Variants in PTPRM observed in about 807,000 individuals in gnomAD.
PTPRM encodes protein tyrosine phosphatase receptor type M.
In PTPRM, 47 loss-of-function variants were observed where a neutral mutation model predicts 186.7. The observed-to-expected ratio is 0.25, with a 90% CI of 0.20 to 0.32. The LOEUF (loss-of-function observed/expected upper bound fraction) is 0.32. Among genes scored for constraint, PTPRM ranks in the 10% least tolerant of loss-of-function variants. The pLI is 1.00. For synonymous variants in PTPRM, 668 were observed against 674.9 expected (o/e 0.99, Z 0.16); for missense variants, 1,494 against 1,865.0 (o/e 0.80, Z 3.66).
intron 31 of PTPRM, among the ~76,000 whole-genome samples, chr18:8,389,053 T>G (rs1301692118): frequency 3.3e-5 from 5 of 152,118 alleles, no homozygotes; most frequent in Non-Finnish European, 5.9e-5. Flanking sequence ...TCAATCCAGA[T>G]CCAACCTCTG....
intron 2 of PTPRM, among the ~76,000 whole-genome samples, chr18:7,869,552 T>A (rs2047883561): frequency 1.3e-5 from 2 of 152,294 alleles, no homozygotes; most frequent in South Asian, 4.1e-4. Flanking sequence ...CCCAATGTGA[T>A]GAGCTGGGTA....
At chr18:8,173,259 G>T (rs956875064) in intron 14 of PTPRM, among the ~76,000 whole-genome samples, 2 of 152,166 alleles carry the variant, frequency 1.3e-5, no homozygotes, top group Non-Finnish European at 2.9e-5. Context: ...TGGCAAGAAG[G>T]TGGTGGCAAT....
intron 14 of PTPRM, among the ~76,000 whole-genome samples, chr18:8,227,384 C>T (rs1028287489): frequency 5.9e-5 from 7 of 119,214 alleles, no homozygotes; most frequent in African/African-American, 2.6e-4. Flanking sequence ...TTTACTCACA[C>T]ATAAATTAAT....
At chr18:8,105,985 C>G (rs562931960) in intron 11 of PTPRM, among the ~76,000 whole-genome samples, 6 of 152,140 alleles carry the variant, frequency 3.9e-5, no homozygotes, top group African/African-American at 9.7e-5. Context: ...AGAACAAAGA[C>G]GAAGACCATG....
At chr18:7,784,159 T>C (rs1459023740) in intron 2 of PTPRM, among the ~76,000 whole-genome samples, 3 of 152,098 alleles carry the variant, frequency 2.0e-5, no homozygotes, top group Non-Finnish European at 4.4e-5. Flanking sequence ...CTTTCCATAG[T>C]CCAAGAAGTC....
chr18:7,786,608 T>A (rs990914068), intron 2 of PTPRM, among the ~76,000 whole-genome samples: 1 of 152,216 alleles, frequency 6.6e-6, no homozygotes, highest in South Asian at 2.1e-4. Context: ...GTAGTCATCT[T>A]GGGAAATTAT....
chr18:7,685,575 A>C (rs2039582923), intron 1 of PTPRM, among the ~76,000 whole-genome samples: 1 of 152,208 alleles, frequency 6.6e-6, no homozygotes, highest in Admixed American at 6.5e-5. Flanking sequence ...ATTTTTACAA[A>C]TATAATTGAG....
intron 1 of PTPRM, among the ~76,000 whole-genome samples, chr18:7,678,789 A>T (rs1419751158): frequency 2.0e-5 from 3 of 152,152 alleles, no homozygotes; most frequent in East Asian, 3.8e-4. Flanking sequence ...CTATAGATGG[A>T]TATATCTGAC....
intron 19 of PTPRM, chr18:8,270,551 A>T (rs2094758614): frequency 6.6e-6 from 1 of 152,102 alleles, no homozygotes; most frequent in African/African-American, 2.4e-5. Context: ...AGACATCTGG[A>T]CTCCAATGCT....
intron 14 of PTPRM, among the ~76,000 whole-genome samples, chr18:8,163,268 C>T (rs748040471): frequency 7.9e-5 from 12 of 152,240 alleles, no homozygotes; most frequent in Non-Finnish European, 1.2e-4. Context: ...TGTTCCAAAA[C>T]TTCCTAACTT....
chr18:7,830,283 C>T (rs2045693041), intron 2 of PTPRM, among the ~76,000 whole-genome samples: 1 of 152,094 alleles, frequency 6.6e-6, no homozygotes, highest in Non-Finnish European at 1.5e-5. Context: ...CCTCAGTTTC[C>T]CCCAGCCATG....
At chr18:7,910,633 T>C (rs2050213285) in intron 4 of PTPRM, among the ~76,000 whole-genome samples, 1 of 152,076 alleles carries the variant, frequency 6.6e-6, no homozygotes, top group African/African-American at 2.4e-5. Flanking sequence ...AAACATCTGA[T>C]TGGTTGCAGA....
At chr18:7,953,782 A>C (rs1468945408) in intron 6 of PTPRM, among the ~76,000 whole-genome samples, 1 of 152,200 alleles carries the variant, frequency 6.6e-6, no homozygotes, top group African/African-American at 2.4e-5. Flanking sequence ...GGTCCTCTGC[A>C]GCAGGGAACA....
At chr18:8,224,600 G>C (rs950686319) in intron 14 of PTPRM, among the ~76,000 whole-genome samples, 10 of 152,152 alleles carry the variant, frequency 6.6e-5, no homozygotes. Flanking sequence ...ATGAATAAAA[G>C]TAACAGAGAC....
chr18:8,027,781 A>G (rs2085662443), intron 7 of PTPRM, among the ~76,000 whole-genome samples: 1 of 152,238 alleles, frequency 6.6e-6, no homozygotes, highest in Non-Finnish European at 1.5e-5. Flanking sequence ...ACGATTGACT[A>G]GATACAAAGA....
intron 14 of PTPRM, among the ~76,000 whole-genome samples, chr18:8,211,377 CTTTTTTTTTTTTT>C (rs970926126): frequency 2.3e-5 from 2 of 87,232 alleles, no homozygotes; most frequent in East Asian, 7.4e-4. Flanking sequence ...GTCTCTTCTT[CTTTTTTTTTTTTT>C]TTTTTTTTTT....
At chr18:8,200,549 G>A (rs2093841215) in intron 14 of PTPRM, among the ~76,000 whole-genome samples, 1 of 152,210 alleles carries the variant, frequency 6.6e-6, no homozygotes, top group Non-Finnish European at 1.5e-5. Flanking sequence ...TCTCTGTTCT[G>A]GGGAACTGAA....
chr18:8,257,090 C>G (rs980188893), intron 19 of PTPRM, among the ~76,000 whole-genome samples: 3 of 152,222 alleles, frequency 2.0e-5, no homozygotes, highest in African/African-American at 7.2e-5. Context: ...AAACCCCACA[C>G]CCTCTAAGAG....
At chr18:8,314,939 C>A (rs2095297566) in intron 21 of PTPRM, 82 bp downstream of exon 21, 1 of 847,504 alleles carries the variant, frequency 1.2e-6, no homozygotes, top group Non-Finnish European at 1.8e-6. Flanking sequence ...TACATGTATA[C>A]AATGCATAAT....
Sources: allele counts gnomAD v4.1 joint callset (sites outside exome capture counted in the v4.1 genomes callset), GRCh38; gene constraint gnomAD v4.1.1; transcripts MANE v1.5; gene names NCBI Gene and HGNC (gene_info 2026-07-23, HGNC 2026-07-21).